The following BTBD9 variants were observed in gnomAD, a reference collection of about 807,000 sequenced individuals.
The protein encoded by BTBD9 is BTB/POZ domain-containing protein 9.
BTBD9 carries 49 observed loss-of-function variants against 64.3 expected under a neutral mutation model. The ratio of observed to expected loss-of-function variants is 0.76; its 90% CI spans 0.61 to 0.97. BTBD9 has a LOEUF of 0.97. BTBD9 is among the 50% of genes least tolerant of loss of function. The pLI, the probability that BTBD9 is intolerant of heterozygous loss-of-function variation, is 0.00. For missense variants in BTBD9, 598 were observed against 762.1 expected, an observed-to-expected ratio of 0.78 and a Z score of 2.53; for synonymous variants, 260 against 274.7, an observed-to-expected ratio of 0.95 and a Z score of 0.53.
chr6:38,527,287 A>AAAAAAAAAAC (rs1773550962), intron 6 of BTBD9, among the ~76,000 whole-genome samples: 1 of 149,874 alleles, frequency 6.7e-6, no homozygotes, highest in Non-Finnish European at 1.5e-5. Context: ...AAAAAAAAAA[A>AAAAAAAAAAC]AAAAAAAAAG....
chr6:38,451,958 C>T (rs1279188561), intron 6 of BTBD9, among the ~76,000 whole-genome samples: 1 of 152,008 alleles, frequency 6.6e-6, no homozygotes, highest in East Asian at 1.9e-4. Context: ...AGTCCTCATT[C>T]TTTGAAAACT....
At chr6:38,528,962 A>G (rs913493221) in intron 6 of BTBD9, among the ~76,000 whole-genome samples, 1 of 152,182 alleles carries the variant, frequency 6.6e-6, no homozygotes, top group African/African-American at 2.4e-5. Context: ...CCACAGTGGG[A>G]TAGAGCACCA....
At chr6:38,178,946 A>C (rs576931153) in intron 10 of BTBD9, among the ~76,000 whole-genome samples, 2 of 152,040 alleles carry the variant, frequency 1.3e-5, no homozygotes, top group Non-Finnish European at 2.9e-5. Context: ...TCCGCCTCCC[A>C]GGTTCAAGCG....
At chr6:38,528,733 C>T (rs1024636725) in intron 6 of BTBD9, among the ~76,000 whole-genome samples, 1 of 152,162 alleles carries the variant, frequency 6.6e-6, no homozygotes. Context: ...TCATTACCTG[C>T]TGACTAAAGA....
intron 5 of BTBD9, among the ~76,000 whole-genome samples, chr6:38,578,452 T>A (rs191601616): frequency 1.4e-4 from 22 of 152,244 alleles, no homozygotes; most frequent in African/African-American, 5.3e-4. Flanking sequence ...TAAGCCAAAT[T>A]TAAATTTGAG....
At chr6:38,421,659 C>T (rs1259157049) in intron 6 of BTBD9, among the ~76,000 whole-genome samples, 5 of 152,176 alleles carry the variant, frequency 3.3e-5, no homozygotes, top group Non-Finnish European at 7.3e-5. Flanking sequence ...CTATGTCTAA[C>T]ATTTCATCCA....
Position 38,169,278 on chromosome 6 carries a change from G to A in BTBD9, c.*5707C>T, listed in dbSNP as rs1418823242. ...CAGGCCCAGGTGGGAAGTGTGGGCT[G>A]GGGGTAAACCCAGCAACTCAGGACT... On this transcript the variant is annotated 3_prime_UTR_variant, in exon 11 of 11. Coordinates refer to ENST00000481247, the MANE Select transcript of BTBD9 (RefSeq NM_001099272.2). 1 of 152,466 alleles carries A rather than the reference G, an allele frequency of 6.6e-6. No individual in the cohort carries two copies. The highest frequency in any genetic ancestry group is 2.4e-5 in the African/African-American group (1 of 41,460). 9.4% of individuals were successfully genotyped at this position (152,466 alleles called of 1,614,324 possible).
At chr6:38,481,993 A>G (rs1771170992) in intron 6 of BTBD9, 1 of 152,314 alleles carries the variant, frequency 6.6e-6, no homozygotes, top group South Asian at 2.1e-4. Flanking sequence ...TCAGAAAGTC[A>G]TGTTTCATTT....
chr6:38,627,501 TC>T (rs532122080), intron 1 of BTBD9, among the ~76,000 whole-genome samples: 4 of 152,054 alleles, frequency 2.6e-5, no homozygotes, highest in Non-Finnish European at 5.9e-5. Context: ...ATTTTCAATC[TC>T]CCCCAGTAGA....
intron 9 of BTBD9, among the ~76,000 whole-genome samples, chr6:38,250,838 C>T (rs1764368290): frequency 6.6e-6 from 1 of 152,050 alleles, no homozygotes; most frequent in South Asian, 2.1e-4. Flanking sequence ...TTTGGGAAGC[C>T]GAGGTGGGGG....
intron 9 of BTBD9, among the ~76,000 whole-genome samples, chr6:38,196,148 C>T (rs1762268163): frequency 6.6e-6 from 1 of 152,212 alleles, no homozygotes; most frequent in African/African-American, 2.4e-5. Context: ...GGCAATGTGG[C>T]ACAGGGGTGG....
intron 3 of BTBD9, among the ~76,000 whole-genome samples, chr6:38,593,330 G>A (rs915191709): frequency 6.6e-6 from 1 of 151,826 alleles, no homozygotes; most frequent in Admixed American, 6.6e-5. Flanking sequence ...AAATTAAGTA[G>A]AAAAAAATGA....
At chr6:38,355,322 C>CT (rs1007689566) in intron 6 of BTBD9, among the ~76,000 whole-genome samples, 1 of 152,130 alleles carries the variant, frequency 6.6e-6, no homozygotes, top group Non-Finnish European at 1.5e-5. Context: ...GTTAGGAGTC[C>CT]TATGCACTGT....
intron 6 of BTBD9, among the ~76,000 whole-genome samples, chr6:38,516,110 A>C (rs539550869): frequency 1.9e-4 from 29 of 152,308 alleles, no homozygotes; most frequent in African/African-American, 6.7e-4. Context: ...AAAGGAGAAA[A>C]TATCTCACCT....
At chr6:38,404,774 A>G (rs1767093148) in intron 6 of BTBD9, among the ~76,000 whole-genome samples, 1 of 152,200 alleles carries the variant, frequency 6.6e-6, no homozygotes, top group Non-Finnish European at 1.5e-5. Flanking sequence ...TGGCCAGCAG[A>G]GGATAAAATT....
At chr6:38,442,072 T>C (rs1051765136) in intron 6 of BTBD9, among the ~76,000 whole-genome samples, 32 of 152,158 alleles carry the variant, frequency 2.1e-4, no homozygotes, top group Non-Finnish European at 4.0e-4. Flanking sequence ...CAGTACTAGA[T>C]TGCACAGAAA....
At chr6:38,379,130 G>C (rs937284456) in intron 6 of BTBD9, among the ~76,000 whole-genome samples, 5 of 152,134 alleles carry the variant, frequency 3.3e-5, no homozygotes, top group Non-Finnish European at 7.4e-5. Flanking sequence ...ATTTTAACAG[G>C]CCACATGTAG....
intron 9 of BTBD9, among the ~76,000 whole-genome samples, chr6:38,223,035 A>G (rs1467506930): frequency 6.6e-6 from 1 of 152,114 alleles, no homozygotes; most frequent in East Asian, 1.9e-4. Flanking sequence ...CCTCTCAAGT[A>G]GCTGGGATTA....
chr6:38,321,525 A>G (rs2127576236), intron 7 of BTBD9, among the ~76,000 whole-genome samples: 1 of 152,356 alleles, frequency 6.6e-6, no homozygotes, highest in African/African-American at 2.4e-5. Context: ...TAAACTGGAC[A>G]GCAAACCACC....
Sources: gnomAD v4.1 joint callset for allele counts (sites outside exome capture counted in the v4.1 genomes callset) on GRCh38, gnomAD v4.1.1 for gene constraint, MANE v1.5 for transcripts, NCBI Gene and HGNC (gene_info 2026-07-23, HGNC 2026-07-21) for gene names.